NEMP2: variants seen among roughly 807,000 people sequenced by gnomAD.
NEMP2 encodes the protein UPF0571 transmembrane protein.
Under a neutral mutation model 54.2 loss-of-function variants are expected in NEMP2, and 53 were observed. That is an observed-to-expected ratio of 0.98 (90% CI 0.78 to 1.23). The LOEUF (loss-of-function observed/expected upper bound fraction) is 1.23. Ranked by LOEUF, NEMP2 falls within the 50% of genes most tolerant of loss-of-function variation. The pLI, the probability that NEMP2 is intolerant of heterozygous loss-of-function variation, is 0.00. For missense variants in NEMP2, 455 were observed against 511.3 expected, an observed-to-expected ratio of 0.89 and a Z score of 1.06; for synonymous variants, 197 against 190.3, an observed-to-expected ratio of 1.04 and a Z score of -0.29.
chr2:190,489,260 G>T, the NEMP2 span, among the ~76,000 whole-genome samples: 1 of 152,188 alleles, frequency 6.6e-6, no homozygotes, highest in African/African-American at 2.4e-5. This position sits in a 1 kb window ranked among gnomAD's most constrained non-coding sequence, Gnocchi z 6.6. Context: ...AACAATATCT[G>T]TCTGTCTTGT....
the NEMP2 span, among the ~76,000 whole-genome samples, chr2:190,540,109 T>G: frequency 3.3e-5 from 5 of 152,164 alleles, no homozygotes; most frequent in Admixed American, 3.3e-4. Flanking sequence ...TTCAGTTCGT[T>G]GAAGGTTTTT....
chr2:190,535,773 G>A (rs1691356019), upstream of NEMP2: 1 of 152,168 alleles, frequency 6.6e-6, no homozygotes, highest in African/African-American at 2.4e-5. Context: ...TTCCTTGTAA[G>A]GGACTCTTCA....
At chr2:190,607,415 T>C in the NEMP2 span, among the ~76,000 whole-genome samples, 1 of 152,132 alleles carries the variant, frequency 6.6e-6, no homozygotes, top group Non-Finnish European at 1.5e-5. This position sits in a 1 kb window ranked among gnomAD's most constrained non-coding sequence, Gnocchi z 5.2. Context: ...ACCAAAGCCA[T>C]GACCCTAGAC....
At chr2:190,634,377 T>C in the NEMP2 span, among the ~76,000 whole-genome samples, 1 of 152,348 alleles carries the variant, frequency 6.6e-6, no homozygotes. The surrounding 1 kb of genome is among the most constrained non-coding windows in gnomAD (Gnocchi z 6.8). Context: ...GTATTTATAA[T>C]GTGTGTTTGT....
At chr2:190,489,971 G>A in the NEMP2 span, 2 of 914,876 alleles carry the variant, frequency 2.2e-6, no homozygotes, top group Non-Finnish European at 3.2e-6. The surrounding 1 kb of genome is among the most constrained non-coding windows in gnomAD (Gnocchi z 6.6). Flanking sequence ...CAACAGGTCT[G>A]TTTGGCTCAA....
the NEMP2 span, among the ~76,000 whole-genome samples, chr2:190,493,804 A>G: frequency 1.3e-5 from 2 of 152,176 alleles, no homozygotes; most frequent in Non-Finnish European, 2.9e-5. Context: ...TGGAAATTTA[A>G]AATTGAACTG....
rs902962246 is a variant in NEMP2, at chr2:190,513,329, A to G, written c.953+1124T>C. On this transcript the variant is annotated intron_variant, in intron 7 of 8. Coordinates refer to ENST00000409150, the MANE Select transcript of NEMP2 (RefSeq NM_001142645.2). The surrounding 1 kb of genome is among the most constrained non-coding windows in gnomAD (Gnocchi z 5.3). The stretch of plus-strand genomic sequence containing the variant: ...CAGCAGATCTGGCAATACAGGACTC[A>G]TATTCCCACACATGAGCAATCAGCT... 4.6e-5 allele frequency among the ~76,000 whole-genome samples: 7 copies of G among 152,222 alleles called. No homozygotes were observed. The highest frequency in any genetic ancestry group is 8.8e-5 in the Non-Finnish European group (6 of 68,048).
At position 190,504,860 on chromosome 2, in the gene NEMP2, T is replaced by C. The variant is rs1483132893; in HGVS notation, c.*4329A>G. The C allele has an allele frequency of 6.6e-6, 1 of 152,226 alleles. No individual in the cohort carries two copies. 9.4% of individuals were successfully genotyped at this position (152,226 alleles called of 1,614,324 possible). On this transcript the variant is annotated 3_prime_UTR_variant, in exon 9 of 9. Coordinates refer to ENST00000409150, the MANE Select transcript of NEMP2 (RefSeq NM_001142645.2). The surrounding 1 kb of genome is among the most constrained non-coding windows in gnomAD (Gnocchi z 5.6). Reference sequence around the variant, plus strand: ...TCAATGACTGGTGCTGTCAAACTACTGCTGGTATGTGACAACATAGAAATT... The same window carrying C: ...TCAATGACTGGTGCTGTCAAACTACCGCTGGTATGTGACAACATAGAAATT...
chr2:190,638,150 G>A, the NEMP2 span, among the ~76,000 whole-genome samples: 1 of 152,200 alleles, frequency 6.6e-6, no homozygotes, highest in Non-Finnish European at 1.5e-5. This position sits in a 1 kb window ranked among gnomAD's most constrained non-coding sequence, Gnocchi z 5.7. Context: ...GCAGCACTGA[G>A]CCTTCCCTTC....
the NEMP2 span, chr2:190,437,161 C>T: frequency 1.2e-6 from 2 of 1,614,242 alleles, no homozygotes; most frequent in South Asian, 2.2e-5. The surrounding 1 kb of genome is among the most constrained non-coding windows in gnomAD (Gnocchi z 5.9). Context: ...CTTCGGCGTT[C>T]TCATGACCAT....
the NEMP2 span, among the ~76,000 whole-genome samples, chr2:190,422,865 C>A: frequency 6.6e-6 from 1 of 151,976 alleles, no homozygotes; most frequent in South Asian, 2.1e-4. Flanking sequence ...ATATCTGTCT[C>A]ATTTTTTCTC....
chr2:190,562,160 A>G, the NEMP2 span, among the ~76,000 whole-genome samples: 855 of 152,326 alleles, frequency 5.6e-3, 12 homozygotes, highest in African/African-American at 0.02. The surrounding 1 kb of genome is among the most constrained non-coding windows in gnomAD (Gnocchi z 5.0). Context: ...TAGTCGACCA[A>G]GAAGTAAGCT....
chr2:190,451,729 A>G, the NEMP2 span, among the ~76,000 whole-genome samples: 1 of 152,206 alleles, frequency 6.6e-6, no homozygotes, highest in Non-Finnish European at 1.5e-5. This position sits in a 1 kb window ranked among gnomAD's most constrained non-coding sequence, Gnocchi z 5.0. Flanking sequence ...AAAACCACAC[A>G]TGTGAATGGC....
At chr2:190,609,633 A>G in the NEMP2 span, 2 of 152,178 alleles carry the variant, frequency 1.3e-5, no homozygotes, top group Non-Finnish European at 2.9e-5. The surrounding 1 kb of genome is among the most constrained non-coding windows in gnomAD (Gnocchi z 4.7). Flanking sequence ...CTACTCAGTC[A>G]GAGCTGGGAC....
the NEMP2 span, among the ~76,000 whole-genome samples, chr2:190,423,154 C>T: frequency 6.6e-6 from 1 of 152,268 alleles, no homozygotes; most frequent in Non-Finnish European, 1.5e-5. The surrounding 1 kb of genome is among the most constrained non-coding windows in gnomAD (Gnocchi z 4.3). Flanking sequence ...TGACTTTTCC[C>T]CAGTGATAAC....
chr2:190,486,467 C>G, the NEMP2 span, among the ~76,000 whole-genome samples: 1 of 152,214 alleles, frequency 6.6e-6, no homozygotes, highest in African/African-American at 2.4e-5. Flanking sequence ...AGACTCTTGG[C>G]TAGAGTCTTC....
At chr2:190,436,987 C>T in the NEMP2 span, 2 of 1,614,208 alleles carry the variant, frequency 1.2e-6, no homozygotes, top group Non-Finnish European at 1.7e-6. This position sits in a 1 kb window ranked among gnomAD's most constrained non-coding sequence, Gnocchi z 5.3. Flanking sequence ...TCTGGGAAAA[C>T]ACAGAGATCG....
At chr2:190,472,694 C>A in the NEMP2 span, among the ~76,000 whole-genome samples, 3 of 152,190 alleles carry the variant, frequency 2.0e-5, no homozygotes, top group Non-Finnish European at 2.9e-5. Flanking sequence ...CTTCCCCAAT[C>A]TAGCAAGGCA....
the NEMP2 span, chr2:190,625,129 A>T: frequency 2.0e-5 from 3 of 152,234 alleles, no homozygotes; most frequent in Non-Finnish European, 2.9e-5. Flanking sequence ...CACTGAAAAC[A>T]TGTCTACACA....
Sources: gnomAD v4.1 joint callset for allele counts (sites outside exome capture counted in the v4.1 genomes callset) on GRCh38, gnomAD v4.1.1 for gene constraint, Gnocchi (gnomAD v3.1) non-coding constraint, MANE v1.5 for transcripts, NCBI Gene and HGNC (gene_info 2026-07-23, HGNC 2026-07-21) for gene names.